PRKCA: variants seen among roughly 807,000 people sequenced by gnomAD.
The protein encoded by PRKCA is protein kinase C alpha type.
In PRKCA, 27 loss-of-function variants were observed where a neutral mutation model predicts 87.0. That is an observed-to-expected ratio of 0.31 (90% CI 0.23 to 0.43). The LOEUF (loss-of-function observed/expected upper bound fraction) is 0.43. PRKCA is among the 20% of genes least tolerant of loss of function. The probability of loss-of-function intolerance (pLI) is 1.00; values close to 1 mark genes in which losing one functional copy is unlikely to be tolerated. For synonymous variants in PRKCA, 329 were observed against 311.1 expected (o/e 1.06, Z -0.61); for missense variants, 518 against 852.3 (o/e 0.61, Z 4.88).
chr17:66,381,146 T>G (rs1395952567), intron 2 of PRKCA, among the ~76,000 whole-genome samples: 1 of 152,072 alleles, frequency 6.6e-6, no homozygotes, highest in African/African-American at 2.4e-5. Context: ...CTCGCTATGT[T>G]GGCTGGGCTG....
At chr17:66,748,634 G>A (rs1457775949) in intron 13 of PRKCA, among the ~76,000 whole-genome samples, 1 of 152,190 alleles carries the variant, frequency 6.6e-6, no homozygotes, top group Admixed American at 6.5e-5. Flanking sequence ...AGCAGTGTTG[G>A]TAATGATGCC....
chr17:66,362,239 G>A (rs965489638), intron 2 of PRKCA, among the ~76,000 whole-genome samples: 10 of 152,096 alleles, frequency 6.6e-5, no homozygotes, highest in African/African-American at 2.4e-4. Context: ...GTTTCATCAT[G>A]TTGGCCAGAC....
intron 2 of PRKCA, among the ~76,000 whole-genome samples, chr17:66,326,466 TA>T (rs1160906912): frequency 1.3e-5 from 2 of 152,218 alleles, no homozygotes; most frequent in African/African-American, 4.8e-5. Flanking sequence ...GGCAAATTTA[TA>T]AGATTGAGAA....
chr17:66,528,686 G>A (rs1967434158), intron 3 of PRKCA, among the ~76,000 whole-genome samples: 1 of 152,296 alleles, frequency 6.6e-6, no homozygotes, highest in Admixed American at 6.5e-5. Context: ...CCAAAACTGT[G>A]AGATAATAAA....
At chr17:66,336,574 C>T (rs1280044645) in intron 2 of PRKCA, among the ~76,000 whole-genome samples, 1 of 122,958 alleles carries the variant, frequency 8.1e-6, no homozygotes, top group Non-Finnish European at 1.9e-5. Context: ...CTCTTTTTCC[C>T]CCTCTCCTAT....
chr17:66,525,586 A>G (rs751022655), intron 3 of PRKCA, among the ~76,000 whole-genome samples: 3 of 152,196 alleles, frequency 2.0e-5, no homozygotes, highest in Non-Finnish European at 4.4e-5. Context: ...GCCAGGGCTC[A>G]TGGACCTGCT....
At chr17:66,482,978 A>G (rs1262166993) in intron 2 of PRKCA, among the ~76,000 whole-genome samples, 1 of 152,114 alleles carries the variant, frequency 6.6e-6, no homozygotes, top group Admixed American at 6.5e-5. Context: ...ACCCTAATTC[A>G]TTAGTTTGGT....
intron 2 of PRKCA, among the ~76,000 whole-genome samples, chr17:66,425,609 G>A (rs1912756909): frequency 6.6e-6 from 1 of 152,176 alleles, no homozygotes. Context: ...AAATAATGGT[G>A]TTCCTGTGAC....
At chr17:66,357,456 T>A (rs1029247320) in intron 2 of PRKCA, among the ~76,000 whole-genome samples, 2 of 152,208 alleles carry the variant, frequency 1.3e-5, no homozygotes, top group Admixed American at 1.3e-4. Flanking sequence ...TATTATAATA[T>A]GCAATTTTAT....
intron 13 of PRKCA, among the ~76,000 whole-genome samples, chr17:66,743,794 T>G (rs1422016320): frequency 6.6e-6 from 1 of 152,180 alleles, no homozygotes; most frequent in Non-Finnish European, 1.5e-5. Context: ...TCACATTTAT[T>G]CAACAGATTA....
intron 7 of PRKCA, 24 bp from the exon 8 acceptor site, chr17:66,688,927 C>A: frequency 6.7e-7 from 1 of 1,492,182 alleles, no homozygotes. Context: ...GCGGTGGTAA[C>A]TCTTCTTCTC....
intron 3 of PRKCA, among the ~76,000 whole-genome samples, chr17:66,621,356 T>C (rs1359179000): frequency 6.6e-6 from 1 of 152,228 alleles, no homozygotes; most frequent in Admixed American, 6.5e-5. Flanking sequence ...CATTGAAGCA[T>C]TTAAAAATGT....
At chr17:66,695,875 G>A (rs1972906068) in intron 8 of PRKCA, among the ~76,000 whole-genome samples, 1 of 152,330 alleles carries the variant, frequency 6.6e-6, no homozygotes, top group African/African-American at 2.4e-5. Context: ...ACTCATTTGA[G>A]TATCAGGACC....
chr17:66,310,513 T>G lies in PRKCA; in HGVS notation c.205+4386T>G, dbSNP rs187513480. 8.7e-4 allele frequency among the ~76,000 whole-genome samples: 133 copies of G among 152,346 alleles called. No individual in the cohort carries two copies. The Middle Eastern group carries it at 0.014, about 16-fold the overall frequency. On this transcript the variant is annotated intron_variant, in intron 2 of 16. Transcript: ENST00000413366. Reference sequence around the variant, plus strand: ...CTTCATCTGTGACTTCAACTGAAGCTCTGCATTTTTCAGTGTTAAGGGTTA... The same window carrying G: ...CTTCATCTGTGACTTCAACTGAAGCGCTGCATTTTTCAGTGTTAAGGGTTA...
intron 2 of PRKCA, among the ~76,000 whole-genome samples, chr17:66,420,330 T>C (rs896447356): frequency 6.6e-6 from 1 of 152,122 alleles, no homozygotes; most frequent in Non-Finnish European, 1.5e-5. Flanking sequence ...TCTTAAAGTT[T>C]ATGAAGCATC....
chr17:66,778,002 A>C (rs1975102066), intron 14 of PRKCA: 1 of 985,330 alleles, frequency 1.0e-6, no homozygotes, highest in East Asian at 1.1e-4. Context: ...AAGCTCTGCC[A>C]CACTGGCCTC....
intron 3 of PRKCA, among the ~76,000 whole-genome samples, chr17:66,518,213 C>T (rs973507072): frequency 2.6e-5 from 4 of 152,104 alleles, no homozygotes. Context: ...TAATTTCCAC[C>T]TCATCCACCA....
At chr17:66,333,041 T>C (rs1906446938) in intron 2 of PRKCA, among the ~76,000 whole-genome samples, 1 of 152,180 alleles carries the variant, frequency 6.6e-6, no homozygotes, top group African/African-American at 2.4e-5. Context: ...ATCTGGCTAT[T>C]TTATAGGACG....
intron 8 of PRKCA, chr17:66,696,501 A>C (rs1377247482): frequency 4.6e-5 from 7 of 152,186 alleles, no homozygotes; most frequent in Non-Finnish European, 8.8e-5. Context: ...AGTTGCTTAG[A>C]CTAGTACCTG....
Sources: gnomAD v4.1 joint callset for allele counts (sites outside exome capture counted in the v4.1 genomes callset) on GRCh38, gnomAD v4.1.1 for gene constraint, MANE v1.5 for transcripts, NCBI Gene and HGNC (gene_info 2026-07-23, HGNC 2026-07-21) for gene names.